POC1B: variants seen among roughly 807,000 people sequenced by gnomAD.
POC1B encodes the protein POC1 centriolar protein homolog B.
POC1B carries 44 observed loss-of-function variants against 60.6 expected under a neutral mutation model. The ratio of observed to expected loss-of-function variants is 0.73; its 90% CI spans 0.57 to 0.93. The LOEUF is 0.93. Ranked by LOEUF, POC1B falls within the 40% of genes least tolerant of loss-of-function variation. The probability of loss-of-function intolerance (pLI) is 0.00; values close to 1 mark genes in which losing one functional copy is unlikely to be tolerated. For missense variants in POC1B, 555 were observed against 572.3 expected (o/e 0.97, Z 0.31); for synonymous variants, 180 against 198.9 (o/e 0.90, Z 0.80).
intron 10 of POC1B, among the ~76,000 whole-genome samples, chr12:89,429,909 C>A (rs1313861770): frequency 6.6e-6 from 1 of 152,208 alleles, no homozygotes; most frequent in African/African-American, 2.4e-5. Context: ...GTAATACAAT[C>A]ATTGATTGAT....
In POC1B at chr12:89,491,916, A is replaced by G; in HGVS notation, c.452+20T>C. ...AGAAAAAATATGTGGACATCTTAAT[A>G]TGAAATTTTTTGCACTTACTTGGCA... On this transcript the variant is annotated intron_variant, in intron 4 of 11. Transcript: ENST00000313546. The G allele has an allele frequency of 6.8e-7, 1 of 1,466,072 alleles. No individual in the cohort carries two copies. The highest frequency in any genetic ancestry group is 9.0e-7 in the Non-Finnish European group (1 of 1,105,008). The allele number at this position is 1,466,072 out of a possible 1,614,324, so 90.8% of individuals were successfully genotyped here.
intron 2 of POC1B, among the ~76,000 whole-genome samples, chr12:89,505,470 C>T (rs958105851): frequency 6.6e-6 from 1 of 152,156 alleles, no homozygotes. Flanking sequence ...TGTTGCATAC[C>T]CACTGTGTTA....
chr12:89,482,145 T>C (rs1868384329), intron 4 of POC1B, among the ~76,000 whole-genome samples: 1 of 152,304 alleles, frequency 6.6e-6, no homozygotes, highest in African/African-American at 2.4e-5. Context: ...ATTATAAATA[T>C]GTTCAAGGAT....
chr12:89,490,817 G>T (rs370044333), intron 4 of POC1B, among the ~76,000 whole-genome samples: 14 of 152,126 alleles, frequency 9.2e-5, no homozygotes, highest in Non-Finnish European at 1.3e-4. Context: ...ACTTTGCTGC[G>T]TCAAATCTGA....
rs182547759 is a variant in POC1B at position 89,456,812 on chromosome 12, G to A, written c.1113+2826C>T. On this transcript the variant is annotated intron_variant, in intron 10 of 11. Coordinates refer to ENST00000313546, the MANE Select transcript of POC1B (RefSeq NM_172240.3). The stretch of plus-strand genomic sequence containing the variant: ...CACAATTTCTTCTCTGTAGTGAGAA[G>A]ACATCAGAGCACAGATATCAGTACA... Among the ~76,000 whole-genome samples, 6 of 152,186 alleles carry A rather than the reference G, an allele frequency of 3.9e-5. No homozygotes were observed. In the East Asian group the frequency reaches 1.2e-3, roughly 29 times the overall value.
intron 2 of POC1B, chr12:89,524,442 T>C (rs1871229855): frequency 1.2e-6 from 2 of 1,613,816 alleles, no homozygotes; most frequent in South Asian, 1.1e-5. Flanking sequence ...GGCCGGCTCC[T>C]GCGGAGGCAT....
At chr12:89,500,555 T>A in intron 2 of POC1B, 1 of 1,606,508 alleles carries the variant, frequency 6.2e-7, no homozygotes, top group Non-Finnish European at 8.5e-7. Context: ...ATTTTACTTA[T>A]CTGTTGGCTC....
intron 2 of POC1B, among the ~76,000 whole-genome samples, chr12:89,515,414 C>T (rs978908726): frequency 6.6e-6 from 1 of 152,074 alleles, no homozygotes; most frequent in Non-Finnish European, 1.5e-5. Context: ...GGACTACAGG[C>T]ATGCACCACT....
At chr12:89,417,253 T>C (rs1880379329), downstream of POC1B, among the ~76,000 whole-genome samples, 1 of 152,246 alleles carries the variant, frequency 6.6e-6, no homozygotes, top group Non-Finnish European at 1.5e-5. Context: ...AGATCCTATG[T>C]AAGCAAACTG....
intron 3 of POC1B, among the ~76,000 whole-genome samples, chr12:89,495,744 G>C (rs1023534584): frequency 6.6e-6 from 1 of 152,014 alleles, no homozygotes; most frequent in Admixed American, 6.6e-5. Flanking sequence ...CATTTATTGT[G>C]TACTTTATTC....
chr12:89,513,655 A>G (rs374811277), intron 2 of POC1B, among the ~76,000 whole-genome samples: 34 of 152,330 alleles, frequency 2.2e-4, no homozygotes, highest in African/African-American at 3.6e-4. Context: ...ACCAGGCTCT[A>G]TTAGGCTAGA....
At chr12:89,524,104 G>A (rs887556998) in intron 2 of POC1B, 4 of 1,613,948 alleles carry the variant, frequency 2.5e-6, no homozygotes, top group Non-Finnish European at 3.4e-6. Context: ...GAGCAAAGTC[G>A]ACCAGGCTTC....
intron 10 of POC1B, among the ~76,000 whole-genome samples, chr12:89,449,488 G>A (rs1411735307): frequency 6.6e-6 from 1 of 152,022 alleles, no homozygotes; most frequent in Non-Finnish European, 1.5e-5. Flanking sequence ...ACAATTTTAT[G>A]TCAATTAAAC....
chr12:89,477,407 C>T (rs1347097663), intron 4 of POC1B, among the ~76,000 whole-genome samples: 1 of 152,062 alleles, frequency 6.6e-6, no homozygotes, highest in Admixed American at 6.6e-5. Flanking sequence ...CCCAGAATTC[C>T]TTCCTGGAAT....
intron 4 of POC1B, among the ~76,000 whole-genome samples, chr12:89,486,345 C>T (rs937277112): frequency 2.6e-5 from 4 of 152,086 alleles, no homozygotes; most frequent in Non-Finnish European, 5.9e-5. Flanking sequence ...AAGCAGAAAC[C>T]TTTCTTGGAG....
At chr12:89,516,695 C>G (rs1263876713) in intron 2 of POC1B, among the ~76,000 whole-genome samples, 1 of 152,140 alleles carries the variant, frequency 6.6e-6, no homozygotes, top group African/African-American at 2.4e-5. Flanking sequence ...AATTTATTAT[C>G]TCACAGTTCC....
chr12:89,479,215 T>G (rs1240800572), intron 4 of POC1B, among the ~76,000 whole-genome samples: 2 of 152,220 alleles, frequency 1.3e-5, no homozygotes, highest in African/African-American at 4.8e-5. Context: ...CATTTCCCCA[T>G]GTAAACATAT....
the POC1B span, among the ~76,000 whole-genome samples, chr12:89,410,263 T>G: frequency 6.6e-6 from 1 of 152,142 alleles, no homozygotes; most frequent in Non-Finnish European, 1.5e-5. Context: ...CATCCCTTCA[T>G]GCTAAAAACA....
At chr12:89,488,675 C>T (rs112829181) in intron 4 of POC1B, among the ~76,000 whole-genome samples, 1,807 of 151,978 alleles carry the variant, frequency 0.012, 36 homozygotes, top group African/African-American at 0.042. Flanking sequence ...TTAGTAGAGA[C>T]GGGGTTTCAT....
Sources: gnomAD v4.1 joint callset for allele counts (sites outside exome capture counted in the v4.1 genomes callset) on GRCh38, gnomAD v4.1.1 for gene constraint, MANE v1.5 for transcripts, NCBI Gene and HGNC (gene_info 2026-07-23, HGNC 2026-07-21) for gene names.